The following TBCK variants were observed in gnomAD, a reference collection of about 807,000 sequenced individuals.
TBCK encodes TBC1 domain containing kinase, also known as TBC domain-containing protein kinase-like protein.
In TBCK, 99 loss-of-function variants were observed where a neutral mutation model predicts 113.4. The ratio of observed to expected loss-of-function variants is 0.87; its 90% CI spans 0.74 to 1.03. The LOEUF (loss-of-function observed/expected upper bound fraction) is 1.03. TBCK is among the 50% of genes least tolerant of loss of function. The probability of loss-of-function intolerance (pLI) is 0.00; values close to 1 mark genes in which losing one functional copy is unlikely to be tolerated. For missense variants in TBCK, 1,045 were observed against 1,061.3 expected, an observed-to-expected ratio of 0.98 and a Z score of 0.21; for synonymous variants, 369 against 370.8, an observed-to-expected ratio of 1.00 and a Z score of 0.05.
chr4:106,263,003 TTTC>T (rs761165966), intron 3 of TBCK, among the ~76,000 whole-genome samples: 4 of 151,958 alleles, frequency 2.6e-5, no homozygotes, highest in African/African-American at 4.8e-5. Flanking sequence ...ATTAAAATAT[TTTC>T]TTGTCAACAT....
chr4:106,048,782 A>C (rs1472362663), intron 25 of TBCK, among the ~76,000 whole-genome samples: 1 of 152,158 alleles, frequency 6.6e-6, no homozygotes, highest in Non-Finnish European at 1.5e-5. Context: ...AATCTCCCTT[A>C]AACTATGCTG....
At chr4:106,161,393 AG>A (rs1315388253) in intron 23 of TBCK, among the ~76,000 whole-genome samples, 1 of 152,138 alleles carries the variant, frequency 6.6e-6, no homozygotes, top group African/African-American at 2.4e-5. Context: ...TTTAAACAAG[AG>A]GGGCCTCATT....
At chr4:106,167,474 C>CA (rs1467387026) in intron 23 of TBCK, among the ~76,000 whole-genome samples, 20 of 150,960 alleles carry the variant, frequency 1.3e-4, no homozygotes, top group Non-Finnish European at 2.1e-4. Flanking sequence ...CCTTAGAAAA[C>CA]TAGAAAAAGA....
chr4:106,152,279 T>A (rs751092944), intron 23 of TBCK, among the ~76,000 whole-genome samples: 5 of 151,952 alleles, frequency 3.3e-5, no homozygotes, highest in African/African-American at 4.8e-5. Context: ...TTTGTGAGGG[T>A]TTTTTAATCA....
chr4:106,156,144 C>T (rs891963791), intron 23 of TBCK, among the ~76,000 whole-genome samples: 1 of 152,134 alleles, frequency 6.6e-6, no homozygotes. Context: ...AGAGGTACTG[C>T]GTTCATGGTC....
intron 20 of TBCK, among the ~76,000 whole-genome samples, chr4:106,208,109 C>T: frequency 6.6e-6 from 1 of 152,130 alleles, no homozygotes; most frequent in Non-Finnish European, 1.5e-5. Flanking sequence ...AATTACTTCC[C>T]ATCCCATATG....
chr4:106,164,844 T>C (rs1354317411), intron 23 of TBCK, among the ~76,000 whole-genome samples: 3 of 151,762 alleles, frequency 2.0e-5, no homozygotes, highest in Non-Finnish European at 3.0e-5. Flanking sequence ...AGTATAAAAA[T>C]GTGCTTTAAA....
chr4:106,287,192 C>A (rs1765202720), intron 3 of TBCK, among the ~76,000 whole-genome samples: 1 of 152,086 alleles, frequency 6.6e-6, no homozygotes, highest in African/African-American at 2.4e-5. Flanking sequence ...TAGCTATGTC[C>A]ATAAAGACCC....
chr4:106,188,141 A>G (rs1322717367), intron 22 of TBCK, among the ~76,000 whole-genome samples: 1 of 152,140 alleles, frequency 6.6e-6, no homozygotes, highest in East Asian at 1.9e-4. Flanking sequence ...CTCAAGGGGA[A>G]TATGCATCCA....
chr4:106,155,529 T>C (rs1188441620), intron 23 of TBCK, among the ~76,000 whole-genome samples: 1 of 152,174 alleles, frequency 6.6e-6, no homozygotes, highest in Non-Finnish European at 1.5e-5. Flanking sequence ...ATTTGACCTT[T>C]TGAAGCTATT....
chr4:106,288,311 T>G (rs1421121918), intron 3 of TBCK, among the ~76,000 whole-genome samples: 2 of 152,136 alleles, frequency 1.3e-5, no homozygotes, highest in East Asian at 3.9e-4. Context: ...GGAGAATCAC[T>G]TGAACCTGGG....
intron 3 of TBCK, 79 bp downstream of exon 3, chr4:106,295,015 A>C (rs1055460144): frequency 2.6e-6 from 3 of 1,156,634 alleles, no homozygotes; most frequent in Non-Finnish European, 3.7e-6. Flanking sequence ...AAGAAACCAA[A>C]CCCCTGCAGT....
chr4:106,063,548 C>T (rs1040362924), intron 25 of TBCK, among the ~76,000 whole-genome samples: 20 of 151,840 alleles, frequency 1.3e-4, no homozygotes, highest in Admixed American at 6.6e-5. Context: ...AGGATAATCT[C>T]AGGTGCCTGA....
At chr4:106,076,273 G>T (rs911767016) in intron 25 of TBCK, among the ~76,000 whole-genome samples, 1 of 152,020 alleles carries the variant, frequency 6.6e-6, no homozygotes, top group East Asian at 1.9e-4. Flanking sequence ...CCATTTTTGG[G>T]ATTTCTTTAG....
intron 23 of TBCK, among the ~76,000 whole-genome samples, chr4:106,146,981 T>A (rs990865524): frequency 1.3e-5 from 2 of 152,162 alleles, no homozygotes; most frequent in African/African-American, 4.8e-5. Context: ...GTACCAGGAG[T>A]AGATTCCATT....
At chr4:106,207,521 T>C (rs772640681) in intron 20 of TBCK, among the ~76,000 whole-genome samples, 2 of 152,150 alleles carry the variant, frequency 1.3e-5, no homozygotes, top group Non-Finnish European at 2.9e-5. Context: ...TCAGAATTTT[T>C]AAAAAATGCT....
intron 12 of TBCK, 142 bp from the exon 13 acceptor site, chr4:106,236,950 C>T: frequency 4.6e-6 from 2 of 434,696 alleles, no homozygotes; most frequent in African/African-American, 2.1e-5. Context: ...AAAATCAGTT[C>T]TTACCATAAA....
At chr4:106,070,553 T>C (rs1045828472) in intron 25 of TBCK, among the ~76,000 whole-genome samples, 2 of 152,190 alleles carry the variant, frequency 1.3e-5, no homozygotes, top group East Asian at 1.9e-4. Flanking sequence ...CAGTATTTTA[T>C]TGAGGATTTT....
intron 20 of TBCK, among the ~76,000 whole-genome samples, chr4:106,212,085 G>A (rs1028042771): frequency 8.6e-5 from 13 of 151,816 alleles, no homozygotes; most frequent in Admixed American, 2.0e-4. Context: ...TTGCACCCAC[G>A]CTACCACTTG....
Sources: allele counts gnomAD v4.1 joint callset (sites outside exome capture counted in the v4.1 genomes callset), GRCh38; gene constraint gnomAD v4.1.1; transcripts MANE v1.5; gene names NCBI Gene and HGNC (gene_info 2026-07-23, HGNC 2026-07-21).